NEBL: variants seen among roughly 807,000 people sequenced by gnomAD.
The protein encoded by NEBL is nebulette.
Under a neutral mutation model 140.2 loss-of-function variants are expected in NEBL, and 122 were observed. The ratio of observed to expected loss-of-function variants is 0.87; its 90% confidence interval spans 0.75 to 1.01. The LOEUF is 1.01. Among genes scored for constraint, NEBL ranks in the 50% least tolerant of loss-of-function variants. The probability of loss-of-function intolerance (pLI) is 0.00; values close to 1 mark genes in which losing one functional copy is unlikely to be tolerated. For synonymous variants in NEBL, 436 were observed against 398.9 expected (o/e 1.09, Z -1.11); for missense variants, 1,365 against 1,231.3 (o/e 1.11, Z -1.62).
intron 2 of NEBL, among the ~76,000 whole-genome samples, chr10:21,129,184 A>G (rs1838981296): frequency 6.6e-6 from 1 of 152,206 alleles, no homozygotes; most frequent in African/African-American, 2.4e-5. Flanking sequence ...AAAATGATGA[A>G]GGTCAGGAAC....
At chr10:21,175,642 T>G (rs992442915), upstream of NEBL, among the ~76,000 whole-genome samples, 2 of 152,252 alleles carry the variant, frequency 1.3e-5, no homozygotes, top group East Asian at 3.8e-4. Context: ...CTTTAAAGGA[T>G]TCACCAAATT....
At position 21,156,598 on chromosome 10, in the gene NEBL, GC is replaced by G. The variant is rs1248983555; in HGVS notation, c.164+15784del. Reference sequence around the variant, plus strand: ...CAGGACATAACTATGCTGCCTTCGTGCTTTTTTTTTTTAGGAGCCCATTACT... The same window carrying G: ...CAGGACATAACTATGCTGCCTTCGTGTTTTTTTTTTTAGGAGCCCATTACT... On this transcript the variant is annotated intron_variant, in intron 2 of 6. Coordinates refer to the NEBL transcript ENST00000417816. 4.6e-5 allele frequency among the ~76,000 whole-genome samples: 7 copies of G among 150,960 alleles called. No individual in the cohort carries two copies. In the East Asian group the frequency reaches 1.4e-3, roughly 29 times the overall value.
At chr10:20,927,730 A>T (rs1833981431) in intron 4 of NEBL, among the ~76,000 whole-genome samples, 1 of 152,218 alleles carries the variant, frequency 6.6e-6, no homozygotes, top group Non-Finnish European at 1.5e-5. Flanking sequence ...AGCCTGTGGC[A>T]GCCAGACAGC....
intron 2 of NEBL, among the ~76,000 whole-genome samples, chr10:21,056,002 T>A (rs2119240): frequency 0.39 from 60,028 of 152,030 alleles, 11,947 homozygotes; most frequent in Middle Eastern, 0.47. Flanking sequence ...TTCATCCCAA[T>A]GCAGACCAGT....
intron 2 of NEBL, among the ~76,000 whole-genome samples, chr10:21,059,976 A>T (rs144921744): frequency 1.6e-4 from 24 of 152,310 alleles, no homozygotes; most frequent in Admixed American, 9.1e-4. Flanking sequence ...ATACAATAGC[A>T]TTGGGGTACT....
chr10:20,819,187 A>G (rs1288760772), intron 20 of NEBL: 5 of 876,496 alleles, frequency 5.7e-6, no homozygotes, highest in Admixed American at 3.1e-5. Flanking sequence ...AGTACTCAAC[A>G]GTTACTTTTC....
intron 3 of NEBL, among the ~76,000 whole-genome samples, chr10:21,242,498 A>G (rs1016415882): frequency 2.0e-5 from 3 of 152,158 alleles, no homozygotes; most frequent in Non-Finnish European, 4.4e-5. Context: ...AAAACTACCT[A>G]TCAGGTACTA....
intron 3 of NEBL, among the ~76,000 whole-genome samples, chr10:20,984,362 TA>T (rs1443050793): frequency 1.3e-5 from 2 of 152,162 alleles, no homozygotes; most frequent in Non-Finnish European, 2.9e-5. Context: ...CAAAACTAAA[TA>T]ATCTAGAGGA....
rs979118908 is a variant in NEBL, at chr10:20,793,433, G to A, written c.2762-6125C>T. On this transcript the variant is annotated intron_variant, in intron 26 of 27. Transcript: ENST00000377122. The stretch of plus-strand genomic sequence containing the variant: ...AGGACAGAGGAAGAATCAGTTACTT[G>A]CAGTGTTTTCAACCCTGACTGCATA... The A allele has an allele frequency of 6.1e-6, 5 of 825,578 alleles. No individual in the cohort carries two copies. The African/African-American group carries it at 9.3e-5, about 15-fold the overall frequency. The allele number at this position is 825,578 out of a possible 1,614,324, so 51.1% of individuals were successfully genotyped here.
intron 16 of NEBL, 131 bp from the exon 17 acceptor site, chr10:20,828,765 C>CAGAGAGAG: frequency 1.7e-6 from 1 of 598,186 alleles, no homozygotes; most frequent in South Asian, 1.9e-5. Flanking sequence ...CTTACACTCC[C>CAGAGAGAG]AGAGAGAGAG....
At chr10:20,937,239 T>C (rs909681879) in intron 4 of NEBL, among the ~76,000 whole-genome samples, 56 of 152,270 alleles carry the variant, frequency 3.7e-4, no homozygotes, top group African/African-American at 1.3e-3. Flanking sequence ...GGTGTACCCA[T>C]CTCCACTGAG....
intron 2 of NEBL, chr10:21,112,873 A>G: frequency 3.2e-6 from 1 of 310,484 alleles, no homozygotes; most frequent in Non-Finnish European, 6.1e-6. Flanking sequence ...ATTCATAGAC[A>G]GTATTTAGTA....
intron 11 of NEBL, among the ~76,000 whole-genome samples, chr10:20,848,018 G>T (rs972149150): frequency 1.3e-5 from 2 of 152,134 alleles, no homozygotes; most frequent in Admixed American, 6.6e-5. Context: ...TGGGAAATGG[G>T]TTAACCTTTC....
intron 2 of NEBL, among the ~76,000 whole-genome samples, chr10:21,074,825 A>C (rs1835994418): frequency 7.2e-6 from 1 of 139,778 alleles, no homozygotes; most frequent in African/African-American, 2.8e-5. Context: ...TGTTGTTGAG[A>C]CAGGGTCTCA....
chr10:21,255,568 GA>G (rs1842646738), intron 1 of NEBL, among the ~76,000 whole-genome samples: 1 of 152,164 alleles, frequency 6.6e-6, no homozygotes, highest in African/African-American at 2.4e-5. Context: ...AAGTGTTCAA[GA>G]GCTGACACGT....
At chr10:21,086,883 A>T (rs1458656459) in intron 2 of NEBL, among the ~76,000 whole-genome samples, 1 of 152,240 alleles carries the variant, frequency 6.6e-6, no homozygotes, top group East Asian at 1.9e-4. Context: ...CATGTCTCTT[A>T]TGACTGCCAC....
intron 2 of NEBL, among the ~76,000 whole-genome samples, chr10:21,156,472 T>A (rs1348935002): frequency 1.3e-5 from 2 of 152,170 alleles, no homozygotes; most frequent in African/African-American, 2.4e-5. Flanking sequence ...ATTCAATTGA[T>A]GGATAAGATT....
At chr10:20,989,028 T>A (rs1472135942) in intron 3 of NEBL, among the ~76,000 whole-genome samples, 2 of 152,258 alleles carry the variant, frequency 1.3e-5, no homozygotes, top group Non-Finnish European at 2.9e-5. Flanking sequence ...AACTAAATAT[T>A]ATCAGTATGA....
chr10:20,840,813 CT>C lies in NEBL; in HGVS notation c.1263del (p.Gly424GlufsTer33). 6.2e-7 allele frequency: 1 copy of C among 1,608,768 alleles called. No homozygotes were observed. Among genetic ancestry groups the C allele is most frequent in the Middle Eastern group, 1.7e-4 (1 of 6,028 alleles). ...TCTGAATTAAGTTCCATTCCTTTCC[CT>C]TTTATCTCATTTTCCAAATCTTTTT... ...EYKKDLENEIKGKGMELNSEV... is the reference protein window; with the variant it reads ...EYKKDLENEIXGKGMELNSEV... On this transcript the variant is annotated frameshift_variant, in exon 13 of 28. Coordinates refer to ENST00000377122, the MANE Select transcript of NEBL (RefSeq NM_006393.3). LOFTEE classifies it high-confidence loss of function.
Sources: allele counts gnomAD v4.1 joint callset (sites outside exome capture counted in the v4.1 genomes callset), GRCh38; gene constraint gnomAD v4.1.1; transcripts MANE v1.5; gene names NCBI Gene and HGNC (gene_info 2026-07-23, HGNC 2026-07-21).